ZBED4: variants seen among roughly 807,000 people sequenced by gnomAD.
ZBED4 encodes zinc finger BED-type containing 4.
ZBED4 carries 4 observed loss-of-function variants against 15.5 expected under a neutral mutation model. The ratio of observed to expected loss-of-function variants is 0.26; its 90% confidence interval spans 0.13 to 0.59. The LOEUF (loss-of-function observed/expected upper bound fraction) is 0.59, where lower values mean the gene tolerates loss of function less well. ZBED4 is among the 20% of genes least tolerant of loss of function. The probability of loss-of-function intolerance (pLI) is 0.90; values close to 1 mark genes in which losing one functional copy is unlikely to be tolerated. For missense variants in ZBED4, 1,323 were observed against 1,461.8 expected (o/e 0.91, Z 1.55); for synonymous variants, 692 against 608.5 (o/e 1.14, Z -2.02).
In ZBED4 at chr22:49,885,646, A is replaced by G. The variant is rs2060434416; in HGVS notation, c.1984A>G (p.Ile662Val). 2 of 1,612,408 alleles carry G rather than the reference A, an allele frequency of 1.2e-6. No individual in the cohort carries two copies. Among genetic ancestry groups the G allele is most frequent in the South Asian group, 2.2e-5 (2 of 91,054 alleles). Reference protein sequence around the residue: ...HPVAKKITSLIAEMIALDLQP... With the variant: ...HPVAKKITSLVAEMIALDLQP... ...AGTTGCCAAAAAAATCACAAGTCTC[A>G]TAGCTGAAATGATTGCACTTGACCT... The change falls in exon 2 of 2, where the codon ATA becomes GTA. Residue 662 changes from isoleucine to valine, a missense_variant. This residue lies in a region of ZBED4 where 89 missense variants were observed against 129.8 expected (regional missense o/e 0.69). Coordinates refer to ENST00000216268, the MANE Select transcript of ZBED4 (RefSeq NM_014838.3).
At chr22:49,855,568 T>G (rs1159251062) in intron 1 of ZBED4, among the ~76,000 whole-genome samples, 2 of 152,170 alleles carry the variant, frequency 1.3e-5, no homozygotes, top group Admixed American at 6.5e-5. Context: ...GAGAAGCAGC[T>G]TCTTTAGCGA....
At chr22:49,879,088 T>G (rs1192263559) in intron 1 of ZBED4, among the ~76,000 whole-genome samples, 1 of 147,986 alleles carries the variant, frequency 6.8e-6, no homozygotes, top group Non-Finnish European at 1.5e-5. Flanking sequence ...GAGGTTGCAG[T>G]GAGCCGAGAT....
intron 1 of ZBED4, among the ~76,000 whole-genome samples, chr22:49,864,375 G>A (rs776736653): frequency 4.6e-5 from 7 of 152,210 alleles, no homozygotes; most frequent in Non-Finnish European, 1.0e-4. Context: ...TGAAAACAGT[G>A]AAGATATTTT....
Position 49,887,290 on chromosome 22 carries a change from T to A in ZBED4, c.*112T>A, listed in dbSNP as rs1386711474. 6.8e-6 allele frequency: 8 copies of A among 1,173,286 alleles called. No individual in the cohort carries two copies. Among genetic ancestry groups the A allele is most frequent in the Non-Finnish European group, 6.0e-6 (5 of 835,384 alleles). The allele number at this position is 1,173,286 out of a possible 1,614,324, so 72.7% of individuals were successfully genotyped here. On this transcript the variant is annotated 3_prime_UTR_variant, in exon 2 of 2. Coordinates refer to ENST00000216268, the MANE Select transcript of ZBED4 (RefSeq NM_014838.3). ...CTGTGTACGACATCAGACCAGGCACTCTCAGGGCCGCTCTCCAGCTCACCA... is the reference window on the plus strand; with the variant it reads ...CTGTGTACGACATCAGACCAGGCACACTCAGGGCCGCTCTCCAGCTCACCA...
At chr22:49,868,957 CAAAA>C (rs71196385) in intron 1 of ZBED4, among the ~76,000 whole-genome samples, 2 of 131,698 alleles carry the variant, frequency 1.5e-5, no homozygotes, top group Non-Finnish European at 1.6e-5. Flanking sequence ...ACTAAAAATA[CAAAA>C]AAAAAAAAAA....
intron 1 of ZBED4, among the ~76,000 whole-genome samples, chr22:49,859,232 C>T (rs1022698557): frequency 6.6e-6 from 1 of 152,102 alleles, no homozygotes; most frequent in African/African-American, 2.4e-5. Context: ...AGTTCTTTCT[C>T]TTTATTACCA....
intron 1 of ZBED4, among the ~76,000 whole-genome samples, chr22:49,870,023 A>C (rs1315035024): frequency 6.6e-6 from 1 of 152,018 alleles, no homozygotes; most frequent in African/African-American, 2.4e-5. Flanking sequence ...TCTCATCTTT[A>C]TGTCCCTGTG....
At position 49,887,328 on chromosome 22, in the gene ZBED4, G is replaced by A. The variant is rs1025216853; in HGVS notation, c.*150G>A. On this transcript the variant is annotated 3_prime_UTR_variant, in exon 2 of 2. Transcript: ENST00000216268. ...CTCCAGCTCACCACAGTGTCTCCAC[G>A]TGCCTTACCCCTTCTCCTTCAGGCC... 5 of 789,412 alleles carry A rather than the reference G, an allele frequency of 6.3e-6. No individual in the cohort carries two copies. Among genetic ancestry groups the A allele is most frequent in the East Asian group, 5.4e-5 (2 of 37,052 alleles). The allele number at this position is 789,412 out of a possible 1,614,324, so 48.9% of individuals were successfully genotyped here.
At chr22:49,855,820 A>G (rs1277586326) in intron 1 of ZBED4, among the ~76,000 whole-genome samples, 1 of 152,226 alleles carries the variant, frequency 6.6e-6, no homozygotes, top group Non-Finnish European at 1.5e-5. Context: ...GTAGAGGCCA[A>G]GCTGGCCCTT....
chr22:49,875,759 A>T (rs1316734351), intron 1 of ZBED4, among the ~76,000 whole-genome samples: 1 of 152,020 alleles, frequency 6.6e-6, no homozygotes, highest in Non-Finnish European at 1.5e-5. Flanking sequence ...ATTTTTATAA[A>T]ATTTTTTATA....
rs1375829648 is a variant in ZBED4, at chr22:49,887,825, C to CTTTA, written c.*648_*651dup. The stretch of plus-strand genomic sequence containing the variant: ...CCCATTTCAGGTTTCTGCATTCAGG[C>CTTTA]TTTACATGGTCAGTTAACTCAGAGA... On this transcript the variant is annotated 3_prime_UTR_variant, in exon 2 of 2. Coordinates refer to ENST00000216268, the MANE Select transcript of ZBED4 (RefSeq NM_014838.3). 1 of 167,276 alleles carries CTTTA rather than the reference C, an allele frequency of 6.0e-6. No individual in the cohort carries two copies. The allele number at this position is 167,276 out of a possible 1,614,324, so 10.4% of individuals were successfully genotyped here.
intron 1 of ZBED4, among the ~76,000 whole-genome samples, chr22:49,858,189 A>G (rs1251328386): frequency 6.6e-6 from 1 of 152,214 alleles, no homozygotes; most frequent in African/African-American, 2.4e-5. Flanking sequence ...GGCGTGAGCC[A>G]CCGTGCCCGG....
Position 49,887,119 on chromosome 22 carries a change from C to T in ZBED4, c.3457C>T (p.His1153Tyr), listed in dbSNP as rs763700504. ...TGGCCAATCCAGGCTCATGATGGAACATTTTGAAAAACTTATCTTTTTGAA... is the reference window on the plus strand; with the variant it reads ...TGGCCAATCCAGGCTCATGATGGAATATTTTGAAAAACTTATCTTTTTGAA... ...SLGQSRLMMEHFEKLIFLKVN... is the reference protein window; with the variant it reads ...SLGQSRLMMEYFEKLIFLKVN... Residue 1153 changes from histidine to tyrosine, a missense_variant, in exon 2 of 2, where the codon CAT (histidine) becomes TAT (tyrosine). Transcript: ENST00000216268. 1 of 1,612,806 alleles carries T rather than the reference C, an allele frequency of 6.2e-7. No homozygotes were observed.
chr22:49,856,635 C>T (rs4058452), intron 1 of ZBED4, among the ~76,000 whole-genome samples: 4,872 of 25,464 alleles, frequency 0.19, 372 homozygotes, highest in East Asian at 0.5. Context: ...ACTGGAATCC[C>T]GGCCGGCTTC....
At chr22:49,864,193 G>A (rs913285975) in intron 1 of ZBED4, among the ~76,000 whole-genome samples, 1 of 152,232 alleles carries the variant, frequency 6.6e-6, no homozygotes, top group Non-Finnish European at 1.5e-5. Flanking sequence ...TCACATGGGT[G>A]TGCTTTAATC....
chr22:49,877,589 G>C (rs2060384164), intron 1 of ZBED4, among the ~76,000 whole-genome samples: 1 of 151,940 alleles, frequency 6.6e-6, no homozygotes, highest in African/African-American at 2.4e-5. Context: ...CACCACGCCT[G>C]GCCTAAAAAA....
chr22:49,886,949 A>C lies in ZBED4; in HGVS notation c.3287A>C (p.His1096Pro). 1 of 1,614,080 alleles carries C rather than the reference A, an allele frequency of 6.2e-7. No homozygotes were observed. The highest frequency in any genetic ancestry group is 8.5e-7 in the Non-Finnish European group (1 of 1,180,016). Reference protein sequence around the residue: ...LAYLEEEVLEHSCDPLTYWNL... With the variant: ...LAYLEEEVLEPSCDPLTYWNL... ...TATCTGGAGGAGGAGGTGCTTGAACACAGCTGTGACCCGCTCACCTACTGG... is the reference window on the plus strand; with the variant it reads ...TATCTGGAGGAGGAGGTGCTTGAACCCAGCTGTGACCCGCTCACCTACTGG... Residue 1096 changes from histidine (H) to proline (P), a missense_variant, in exon 2 of 2, where the codon CAC becomes CCC. Physicochemically the swap from His to Pro is moderately conservative, Grantham distance 77 (BLOSUM62 -2). Coordinates refer to ENST00000216268, the MANE Select transcript of ZBED4 (RefSeq NM_014838.3). The surrounding 1 kb of genome is among the most constrained non-coding windows in gnomAD (Gnocchi z 7.7).
intron 1 of ZBED4, among the ~76,000 whole-genome samples, chr22:49,856,482 G>A (rs2060274802): frequency 6.6e-6 from 1 of 152,242 alleles, no homozygotes; most frequent in Non-Finnish European, 1.5e-5. Flanking sequence ...CCCCAGGAGA[G>A]CATTGTCCAT....
chr22:49,869,254 G>T (rs1378387780), intron 1 of ZBED4, among the ~76,000 whole-genome samples: 5 of 152,206 alleles, frequency 3.3e-5, no homozygotes, highest in African/African-American at 4.8e-5. Flanking sequence ...ATGCATGTTG[G>T]TGTGTGTGTT....
Sources: gnomAD v4.1 joint callset for allele counts (sites outside exome capture counted in the v4.1 genomes callset) on GRCh38, gnomAD v4.1.1 for gene constraint, gnomAD v4.1.1 regional missense constraint, Gnocchi (gnomAD v3.1) non-coding constraint, MANE v1.5 for transcripts, NCBI Gene and HGNC (gene_info 2026-07-23, HGNC 2026-07-21) for gene names.